The following SNTG1 variants were observed in gnomAD, a reference collection of about 807,000 sequenced individuals.
The protein encoded by SNTG1 is gamma-1-syntrophin.
Under a neutral mutation model 74.7 loss-of-function variants are expected in SNTG1, and 39 were observed. The ratio of observed to expected loss-of-function variants is 0.52; its 90% CI spans 0.40 to 0.68. The LOEUF (loss-of-function observed/expected upper bound fraction) is 0.68. SNTG1 is among the 30% of genes least tolerant of loss of function. The pLI is 0.00. For missense variants in SNTG1, 685 were observed against 609.5 expected (o/e 1.12, Z -1.30); for synonymous variants, 254 against 217.1 (o/e 1.17, Z -1.49).
chr8:50,285,741 G>T (rs2088736729), intron 2 of SNTG1, among the ~76,000 whole-genome samples: 1 of 146,936 alleles, frequency 6.8e-6, no homozygotes, highest in Admixed American at 6.8e-5. Context: ...TTCTCCAATG[G>T]AATTTACAAA....
intron 13 of SNTG1, among the ~76,000 whole-genome samples, chr8:50,604,111 G>A (rs936375605): frequency 6.6e-6 from 1 of 152,168 alleles, no homozygotes; most frequent in Non-Finnish European, 1.5e-5. Context: ...AGGGGCCAGG[G>A]ACTAGAGTCA....
At chr8:50,029,705 C>A (rs1449620863) in intron 1 of SNTG1, among the ~76,000 whole-genome samples, 5 of 152,102 alleles carry the variant, frequency 3.3e-5, no homozygotes, top group Admixed American at 2.6e-4. Flanking sequence ...CTGAATATGA[C>A]TCCATTGTGT....
intron 1 of SNTG1, among the ~76,000 whole-genome samples, chr8:49,931,076 G>T (rs1043538117): frequency 3.3e-5 from 5 of 152,144 alleles, no homozygotes; most frequent in African/African-American, 1.2e-4. Flanking sequence ...CCCAAATGTT[G>T]CATAAAGAAA....
chr8:50,677,733 G>A, intron 15 of SNTG1, among the ~76,000 whole-genome samples: 1 of 151,876 alleles, frequency 6.6e-6, no homozygotes, highest in East Asian at 1.9e-4. Context: ...TCCTTCTGAA[G>A]CCTTCATCCA....
intron 1 of SNTG1, among the ~76,000 whole-genome samples, chr8:50,170,460 C>T (rs541452414): frequency 3.0e-4 from 45 of 151,810 alleles, no homozygotes; most frequent in Non-Finnish European, 5.0e-4. Context: ...TTCTGAACTC[C>T]TTATCATGTA....
chr8:50,508,740 A>G (rs951146647), intron 9 of SNTG1, among the ~76,000 whole-genome samples: 1 of 152,104 alleles, frequency 6.6e-6, no homozygotes, highest in Non-Finnish European at 1.5e-5. Context: ...ATCTGTCCAT[A>G]TCTTTCACCC....
At chr8:50,710,649 T>C (rs549513208) in intron 17 of SNTG1, among the ~76,000 whole-genome samples, 1 of 152,326 alleles carries the variant, frequency 6.6e-6, no homozygotes, top group East Asian at 1.9e-4. Flanking sequence ...GCTAGCATAA[T>C]ACAGACCTAT....
At chr8:50,778,021 A>G (rs1183636793) in intron 18 of SNTG1, among the ~76,000 whole-genome samples, 2 of 152,152 alleles carry the variant, frequency 1.3e-5, no homozygotes, top group African/African-American at 4.8e-5. Context: ...GTCCCTACAA[A>G]GGACATGAAC....
chr8:50,372,674 C>T (rs1172418716), intron 2 of SNTG1, among the ~76,000 whole-genome samples: 3 of 152,026 alleles, frequency 2.0e-5, no homozygotes, highest in Admixed American at 2.0e-4. Context: ...AAAGATACAG[C>T]TCTGACATTA....
In SNTG1 at chr8:50,656,950, C is replaced by G; in HGVS notation, c.891C>G (p.Pro297=). The G allele has an allele frequency of 1.2e-6, 2 of 1,601,820 alleles. No homozygotes were observed. Among genetic ancestry groups the G allele is most frequent in the Non-Finnish European group, 1.7e-6 (2 of 1,173,932 alleles). The stretch of plus-strand genomic sequence containing the variant: ...GGTGTGAAGCCCGGGAGCAAGACCC[C>G]CTCCAGGACAGAGTGTACTCCCCGA... ...MGWCEAREQD[P]LQDRVYSPTF... Residue 297 remains proline (P), a synonymous_variant, in exon 14 of 19, where the codon CCC becomes CCG. Transcript: ENST00000642720.
At chr8:50,370,191 G>T (rs1458955819) in intron 2 of SNTG1, among the ~76,000 whole-genome samples, 1 of 152,122 alleles carries the variant, frequency 6.6e-6, no homozygotes, top group East Asian at 1.9e-4. Context: ...CAAGCTCAAG[G>T]GCTACATAAA....
At chr8:50,003,427 T>G (rs1052820758) in intron 1 of SNTG1, among the ~76,000 whole-genome samples, 29 of 152,288 alleles carry the variant, frequency 1.9e-4, no homozygotes, top group African/African-American at 6.3e-4. Flanking sequence ...TAGAAAAATC[T>G]TCACGGAAAC....
chr8:50,296,792 A>G (rs1376105892), intron 2 of SNTG1, among the ~76,000 whole-genome samples: 4 of 152,126 alleles, frequency 2.6e-5, no homozygotes, highest in Non-Finnish European at 5.9e-5. Flanking sequence ...AAATAAAAAG[A>G]CAGAGAAAGA....
At chr8:50,687,716 C>T (rs1402588324) in intron 15 of SNTG1, among the ~76,000 whole-genome samples, 1 of 152,106 alleles carries the variant, frequency 6.6e-6, no homozygotes, top group South Asian at 2.1e-4. Context: ...TGCTATCCCT[C>T]CCCCCTCGCC....
chr8:50,792,459 C>G (rs1462159946), intron 18 of SNTG1, among the ~76,000 whole-genome samples: 1 of 151,720 alleles, frequency 6.6e-6, no homozygotes, highest in Non-Finnish European at 1.5e-5. Context: ...ATTAGTCCTC[C>G]TACCTCTTAT....
intron 12 of SNTG1, among the ~76,000 whole-genome samples, chr8:50,575,050 T>G (rs2094569385): frequency 6.6e-6 from 1 of 152,208 alleles, no homozygotes; most frequent in African/African-American, 2.4e-5. Context: ...ATAGATGTCC[T>G]TTTCTGTTTG....
At position 50,005,695 on chromosome 8, in the gene SNTG1, A is replaced by G. The variant is rs116871879; in HGVS notation, c.-103+93464A>G. ...CCTTAGTTCAGGTAGTGTAGGATGA[A>G]TAGTTGAAATTCAGATATAAAACCC... On this transcript the variant is annotated intron_variant, in intron 1 of 18. Transcript: ENST00000642720. Among the ~76,000 whole-genome samples the G allele has an allele frequency of 6.1e-3, 933 of 152,294 alleles. 4 individuals are homozygous for G. Among genetic ancestry groups the G allele is most frequent in the Non-Finnish European group, 0.011 (720 of 68,018 alleles).
intron 13 of SNTG1, among the ~76,000 whole-genome samples, chr8:50,646,014 G>A (rs1019435831): frequency 4.0e-5 from 6 of 151,882 alleles, no homozygotes; most frequent in Non-Finnish European, 7.4e-5. Context: ...TTTTGTACTC[G>A]TTAAAAAAAG....
chr8:50,581,994 T>A (rs1220964263), intron 12 of SNTG1, among the ~76,000 whole-genome samples: 1 of 152,136 alleles, frequency 6.6e-6, no homozygotes, highest in Non-Finnish European at 1.5e-5. Context: ...TTGGAAACAG[T>A]TCTTTTCTTA....
Sources: gnomAD v4.1 joint callset for allele counts (sites outside exome capture counted in the v4.1 genomes callset) on GRCh38, gnomAD v4.1.1 for gene constraint, MANE v1.5 for transcripts, NCBI Gene and HGNC (gene_info 2026-07-23, HGNC 2026-07-21) for gene names.